Variants in DOCK9 observed in about 807,000 individuals in gnomAD.
DOCK9 encodes dedicator of cytokinesis 9.
Under a neutral mutation model 263.3 loss-of-function variants are expected in DOCK9, and 89 were observed. The observed-to-expected ratio is 0.34, with a 90% CI of 0.28 to 0.40. The LOEUF (loss-of-function observed/expected upper bound fraction) is 0.40. Ranked by LOEUF, DOCK9 falls within the 10% of genes least tolerant of loss-of-function variation. The pLI is 1.00. For synonymous variants in DOCK9, 976 were observed against 973.1 expected (o/e 1.00, Z -0.06); for missense variants, 2,140 against 2,603.4 (o/e 0.82, Z 3.87).
At chr13:98,809,237 T>C (rs764153827) in intron 47 of DOCK9, 115 bp downstream of exon 47, 3 of 1,235,316 alleles carry the variant, frequency 2.4e-6, no homozygotes, top group Non-Finnish European at 3.4e-6. Flanking sequence ...AAATTAGCAA[T>C]TACAGAAAAC....
At chr13:98,970,254 T>C (rs2059603131) in intron 1 of DOCK9, among the ~76,000 whole-genome samples, 1 of 152,176 alleles carries the variant, frequency 6.6e-6, no homozygotes, top group African/African-American at 2.4e-5. Flanking sequence ...CACCTCAGCC[T>C]CACAAAGTAC....
At chr13:98,819,183 G>GT (rs1262460308) in intron 45 of DOCK9, among the ~76,000 whole-genome samples, 8 of 152,218 alleles carry the variant, frequency 5.3e-5, no homozygotes, top group Admixed American at 3.9e-4. Flanking sequence ...CAAAATCTGG[G>GT]TTTGGGGGGT....
chr13:99,043,310 C>T (rs1186467536), intron 1 of DOCK9, among the ~76,000 whole-genome samples: 1 of 152,246 alleles, frequency 6.6e-6, no homozygotes, highest in Non-Finnish European at 1.5e-5. Context: ...TCAAACTTCT[C>T]TTCCAGCTGG....
At chr13:98,881,869 G>C (rs1392808511) in intron 24 of DOCK9, 23 bp downstream of exon 24, 2 of 1,535,094 alleles carry the variant, frequency 1.3e-6, no homozygotes, top group African/African-American at 1.4e-5. Flanking sequence ...AAGTGAGGAA[G>C]AGCATCCATC....
intron 15 of DOCK9, among the ~76,000 whole-genome samples, chr13:98,894,995 G>A (rs974213817): frequency 2.7e-5 from 4 of 148,434 alleles, no homozygotes; most frequent in Admixed American, 6.7e-5. Flanking sequence ...TTAGCGGGGC[G>A]TGGCAGCATG....
At chr13:98,807,859 A>G in intron 47 of DOCK9, 52 bp from the exon 48 acceptor site, 3 of 1,468,046 alleles carry the variant, frequency 2.0e-6, no homozygotes, top group Non-Finnish European at 1.8e-6. Flanking sequence ...CCCAGGGCTT[A>G]CCACCTAGGA....
intron 1 of DOCK9, among the ~76,000 whole-genome samples, chr13:99,029,831 C>G (rs964048963): frequency 6.6e-6 from 1 of 152,176 alleles, no homozygotes; most frequent in Non-Finnish European, 1.5e-5. Flanking sequence ...GACTTGTATA[C>G]AAATGTTCAC....
At chr13:98,898,117 C>A (rs757375033) in intron 14 of DOCK9, 62 bp downstream of exon 14, 4 of 1,119,886 alleles carry the variant, frequency 3.6e-6, no homozygotes, top group African/African-American at 1.5e-5. Context: ...ACAGAATAGG[C>A]CTATTGACCC....
chr13:98,857,656 T>C (rs1337012498), intron 33 of DOCK9: 2 of 152,234 alleles, frequency 1.3e-5, no homozygotes, highest in Non-Finnish European at 2.9e-5. Context: ...CTTCCCTCTG[T>C]TGAACACTCA....
chr13:98,867,919 C>T lies in DOCK9; in HGVS notation c.3174+9G>A. The stretch of plus-strand genomic sequence containing the variant: ...TGACTTCTGTTACCAGTAACAACCC[C>T]CGCACTACCTTTGGGTCTCCAGGAG... On this transcript the variant is annotated intron_variant, in intron 29 of 52. Transcript: ENST00000682017. 1.2e-6 allele frequency: 2 copies of T among 1,612,606 alleles called. No individual in the cohort carries two copies. Among genetic ancestry groups the T allele is most frequent in the Middle Eastern group, 1.7e-4 (1 of 6,060 alleles).
upstream of DOCK9, among the ~76,000 whole-genome samples, chr13:98,982,189 C>T (rs1054908883): frequency 3.9e-5 from 6 of 152,178 alleles, no homozygotes; most frequent in Non-Finnish European, 8.8e-5. Flanking sequence ...TATTATACAG[C>T]TCGGGTACTC....
Position 98,885,079 on chromosome 13 carries a change from C to G in DOCK9, c.2274G>C (p.Trp758Cys). Residue 758 changes from tryptophan (W) to cysteine (C), a missense_variant, in exon 21 of 53, where the codon TGG becomes TGC. Trp to Cys is a radical substitution (Grantham distance 215). Around this residue, in one of 2 missense-constraint regions of DOCK9, gnomAD observed 1,521 missense variants for 1,741.7 expected, o/e 0.87. Coordinates refer to ENST00000682017, the MANE Select transcript of DOCK9 (RefSeq NM_001366683.2). ...DVVETQVGYSWLPLLKDGRVV... is the reference protein window; with the variant it reads ...DVVETQVGYSCLPLLKDGRVV... ...CCCTTCCGTCTTTCAGGAGGGGAAG[C>G]CAGGAGTAGCCAACTGTTGAAAACA... 1.2e-6 allele frequency: 2 copies of G among 1,613,428 alleles called. No homozygotes were observed. Among genetic ancestry groups the G allele is most frequent in the Non-Finnish European group, 1.7e-6 (2 of 1,179,732 alleles).
At chr13:99,077,398 C>T (rs1323031314) in intron 1 of DOCK9, among the ~76,000 whole-genome samples, 1 of 152,150 alleles carries the variant, frequency 6.6e-6, no homozygotes, top group Non-Finnish European at 1.5e-5. Flanking sequence ...TCTCCCTTTG[C>T]TCTTCCCTTT....
At chr13:98,863,681 C>G (rs986499078) in intron 30 of DOCK9, 133 bp from the exon 31 acceptor site, 3 of 891,768 alleles carry the variant, frequency 3.4e-6, no homozygotes, top group Admixed American at 3.0e-5. Flanking sequence ...AAGAGATGAT[C>G]AGACTTGGCT....
rs1376494376 is a variant in DOCK9, at chr13:98,867,983, A to T, written c.3119T>A (p.Phe1040Tyr). ...KRCFTFMDRG[F>Y]VFKQINNYIS... ...GTAGTTGTTGATCTGCTTGAAGACA[A>T]AGCCCCTGTCCATGAAGGTGAAACA... The change falls in exon 29 of 53, where the codon TTT becomes TAT. Residue 1040 changes from phenylalanine to tyrosine, a missense_variant. Transcript: ENST00000682017. 2 of 1,613,646 alleles carry T rather than the reference A, an allele frequency of 1.2e-6. No homozygotes were observed. Among genetic ancestry groups the T allele is most frequent in the African/African-American group, 2.7e-5 (2 of 74,926 alleles).
intron 45 of DOCK9, among the ~76,000 whole-genome samples, chr13:98,811,340 A>G (rs2140272919): frequency 6.6e-6 from 1 of 151,238 alleles, no homozygotes; most frequent in East Asian, 1.9e-4. Context: ...GAATTTTGAG[A>G]GTTCTTTATA....
At position 99,071,306 on chromosome 13, in the gene DOCK9, C is replaced by CCTTTT. The variant is rs1286343497; in HGVS notation, c.129+14916_129+14917insAAAAG. 1.2e-4 allele frequency among the ~76,000 whole-genome samples: 6 copies of CCTTTT among 49,320 alleles called. 1 individual carries two copies. The highest frequency in any genetic ancestry group is 1.1e-3 in the Admixed American group (4 of 3,636). 32.4% of individuals were successfully genotyped at this position (49,320 alleles called of 152,430 possible). A position where few individuals can be genotyped will look rare whatever the true frequency, so the allele number is the denominator to read the frequency against. On this transcript the variant is annotated intron_variant, in intron 1 of 32. Transcript: ENST00000427887. ...TACAGGTGCTTGCCACCATGCCTGGCTTTTTTTTTTTTTTTTTTTTTTTTT... is the reference window on the plus strand; with the variant it reads ...TACAGGTGCTTGCCACCATGCCTGGCCTTTTTTTTTTTTTTTTTTTTTTTTTTTTT...
intron 1 of DOCK9, among the ~76,000 whole-genome samples, chr13:98,962,972 G>T (rs2058815262): frequency 6.6e-6 from 1 of 152,162 alleles, no homozygotes; most frequent in African/African-American, 2.4e-5. Flanking sequence ...AAGAGAGCAG[G>T]CAGGCAGGAC....
Position 98,885,100 on chromosome 13 carries a change from A to T in DOCK9, c.2261-8T>A. 1 of 1,613,474 alleles carries T rather than the reference A, an allele frequency of 6.2e-7. No homozygotes were observed. The highest frequency in any genetic ancestry group is 8.5e-7 in the Non-Finnish European group (1 of 1,179,712). On this transcript the variant is annotated splice_region_variant and splice_polypyrimidine_tract_variant and intron_variant, in intron 20 of 52. Transcript: ENST00000682017. ...GAAGCCAGGAGTAGCCAACTGTTGA[A>T]AACAAAGAACAACAACAACAACAGA...
Sources: allele counts gnomAD v4.1 joint callset (sites outside exome capture counted in the v4.1 genomes callset), GRCh38; gene constraint gnomAD v4.1.1; regional missense constraint gnomAD v4.1.1; transcripts MANE v1.5; gene names NCBI Gene and HGNC (gene_info 2026-07-23, HGNC 2026-07-21).